The following MRPL37 variants were observed in gnomAD, a reference collection of about 807,000 sequenced individuals.
The protein encoded by MRPL37 is large ribosomal subunit protein mL37.
Under a neutral mutation model 44.1 loss-of-function variants are expected in MRPL37, and 34 were observed. That is an observed-to-expected ratio of 0.77 (90% confidence interval 0.59 to 1.03). MRPL37 has a LOEUF of 1.03. MRPL37 is among the 50% of genes least tolerant of loss of function. MRPL37 has a pLI of 0.00. For missense variants in MRPL37, 532 were observed against 543.7 expected (o/e 0.98, Z 0.21); for synonymous variants, 212 against 219.5 (o/e 0.97, Z 0.30).
chr1:54,204,975 C>A (rs1274947005), intron 1 of MRPL37, 43 bp from the exon 2 acceptor site: 1 of 1,580,106 alleles, frequency 6.3e-7, no homozygotes, highest in East Asian at 2.2e-5. Flanking sequence ...CTTCCTGAAT[C>A]TTTTTCTTTC....
chr1:54,224,988 C>A, downstream of MRPL37: 2 of 820,802 alleles, frequency 2.4e-6, no homozygotes, highest in Non-Finnish European at 3.3e-6. Flanking sequence ...CAACAGCAGG[C>A]ACTTGAGGCT....
rs748220186 is a variant in MRPL37, at chr1:54,210,028, G to A, written c.729G>A (p.Glu243=). The change falls in exon 4 of 7, where the codon GAG becomes GAA. Residue 243 remains glutamate, a synonymous_variant. Transcript: ENST00000360840. ...CTCTGCCCACCATCGCCTCCAGAGA[G>A]GAGATTGAAGCTACTAAGAATCATG... is the stretch of plus-strand genomic sequence containing the variant. ...KDPLPTIASR[E]EIEATKNHVL... 17 of 1,614,062 alleles carry A rather than the reference G, an allele frequency of 1.1e-5. No homozygotes were observed. In the East Asian group the frequency reaches 2.9e-4, roughly 27 times the overall value.
intron 3 of MRPL37, 86 bp downstream of exon 3, chr1:54,205,496 C>A: frequency 2.8e-6 from 3 of 1,056,344 alleles, no homozygotes; most frequent in Non-Finnish European, 2.8e-6. Flanking sequence ...CATCCCCCTG[C>A]CCCCAAATAC....
downstream of MRPL37, chr1:54,225,050 C>G (rs1570162791): frequency 2.5e-6 from 3 of 1,213,876 alleles, no homozygotes; most frequent in Admixed American, 1.3e-4. Flanking sequence ...CAGGGAGTGG[C>G]TGTGGCCCTC....
chr1:54,222,930 G>A (rs1644245653), downstream of MRPL37, among the ~76,000 whole-genome samples: 1 of 152,172 alleles, frequency 6.6e-6, no homozygotes, highest in African/African-American at 2.4e-5. Flanking sequence ...TGGCATAAAA[G>A]GGGTGCTCAG....
At chr1:54,205,552 C>T in intron 3 of MRPL37, 142 bp downstream of exon 3, 1 of 674,882 alleles carries the variant, frequency 1.5e-6, no homozygotes, top group South Asian at 2.0e-5. Context: ...TAGGCTCAGA[C>T]ACACCCTCAG....
downstream of MRPL37, chr1:54,224,978 C>T (rs557467247): frequency 2.6e-6 from 2 of 756,726 alleles, no homozygotes; most frequent in South Asian, 1.4e-4. Flanking sequence ...CAACAGTCGC[C>T]AACAGCAGGC....
intron 4 of MRPL37, among the ~76,000 whole-genome samples, chr1:54,210,614 T>C (rs1282027162): frequency 1.3e-5 from 2 of 152,150 alleles, no homozygotes; most frequent in Admixed American, 1.3e-4. Flanking sequence ...GGGACCACCA[T>C]GTACTCCGTC....
intron 6 of MRPL37, 100 bp downstream of exon 6, chr1:54,216,444 C>A: frequency 7.2e-7 from 1 of 1,389,676 alleles, no homozygotes; most frequent in South Asian, 1.3e-5. Context: ...TGAGGAGAGC[C>A]CTGGCCCTGG....
chr1:54,200,173 C>T lies in MRPL37; in HGVS notation c.-71C>T. ...ACGAGCTTTGGCGCCCGGTCTCATT[C>T]GTTCCCAGCAGGCCCTGCGCGCGGC... On this transcript the variant is annotated 5_prime_UTR_variant, in exon 1 of 7. Coordinates refer to ENST00000360840, the MANE Select transcript of MRPL37 (RefSeq NM_016491.4). 5.5e-6 allele frequency: 8 copies of T among 1,442,214 alleles called. No homozygotes were observed. The highest frequency in any genetic ancestry group is 7.4e-6 in the Non-Finnish European group (8 of 1,080,980). 89.3% of individuals were successfully genotyped at this position (1,442,214 alleles called of 1,614,324 possible).
chr1:54,224,189 G>A (rs1418721191), downstream of MRPL37, among the ~76,000 whole-genome samples: 1 of 152,180 alleles, frequency 6.6e-6, no homozygotes, highest in African/African-American at 2.4e-5. Context: ...ATACAGGTTA[G>A]TCGCAGCCTC....
downstream of MRPL37, among the ~76,000 whole-genome samples, chr1:54,222,930 G>C (rs1644245653): frequency 6.6e-6 from 1 of 152,172 alleles, no homozygotes; most frequent in African/African-American, 2.4e-5. Flanking sequence ...TGGCATAAAA[G>C]GGGTGCTCAG....
chr1:54,217,844 A>G (rs778248480), intron 6 of MRPL37, among the ~76,000 whole-genome samples: 3 of 152,156 alleles, frequency 2.0e-5, no homozygotes, highest in African/African-American at 7.2e-5. Context: ...CAGGTGCCCA[A>G]TAAATGTGTG....
chr1:54,222,254 G>T (rs969845322), downstream of MRPL37, among the ~76,000 whole-genome samples: 31 of 152,206 alleles, frequency 2.0e-4, no homozygotes, highest in African/African-American at 6.8e-4. Context: ...GACCCAGGGA[G>T]AGAGCTACCC....
chr1:54,209,885 C>T (rs1644151701), intron 3 of MRPL37, 61 bp from the exon 4 acceptor site: 1 of 1,543,984 alleles, frequency 6.5e-7, no homozygotes, highest in Admixed American at 1.8e-5. Context: ...GCATGAGCTA[C>T]TGCGCCTAGC....
downstream of MRPL37, among the ~76,000 whole-genome samples, chr1:54,218,774 A>T (rs891862817): frequency 1.3e-5 from 2 of 152,236 alleles, no homozygotes; most frequent in African/African-American, 4.8e-5. Context: ...CTCTGTCCAA[A>T]TAATGTCAAG....
downstream of MRPL37, among the ~76,000 whole-genome samples, chr1:54,221,406 C>T (rs1644232701): frequency 6.6e-6 from 1 of 152,188 alleles, no homozygotes; most frequent in Admixed American, 6.5e-5. Flanking sequence ...CATGGACACT[C>T]AGATGTCCAT....
intron 1 of MRPL37, among the ~76,000 whole-genome samples, chr1:54,202,399 G>A (rs1644091398): frequency 6.6e-6 from 1 of 152,152 alleles, no homozygotes; most frequent in Non-Finnish European, 1.5e-5. Flanking sequence ...CCTTTCATTT[G>A]TTACCACAAG....
chr1:54,206,140 T>G (rs919735149), intron 3 of MRPL37, among the ~76,000 whole-genome samples: 65 of 152,152 alleles, frequency 4.3e-4, no homozygotes, highest in African/African-American at 1.5e-3. Context: ...TGAGACGGAG[T>G]CTCGCTCTGT....
Sources: allele counts gnomAD v4.1 joint callset (sites outside exome capture counted in the v4.1 genomes callset), GRCh38; gene constraint gnomAD v4.1.1; transcripts MANE v1.5; gene names NCBI Gene and HGNC (gene_info 2026-07-23, HGNC 2026-07-21).